The following CMSS1 variants were observed in gnomAD, a reference collection of about 807,000 sequenced individuals.
CMSS1 encodes the protein cms1 ribosomal small subunit homolog.
Under a neutral mutation model 43.5 loss-of-function variants are expected in CMSS1, and 33 were observed. The observed-to-expected ratio is 0.76, with a 90% confidence interval of 0.57 to 1.01. The LOEUF is 1.01. Ranked by LOEUF, CMSS1 falls within the 50% of genes least tolerant of loss-of-function variation. The pLI, the probability that CMSS1 is intolerant of heterozygous loss-of-function variation, is 0.00. For missense variants in CMSS1, 313 were observed against 326.4 expected, an observed-to-expected ratio of 0.96 and a Z score of 0.32; for synonymous variants, 115 against 117.2, an observed-to-expected ratio of 0.98 and a Z score of 0.12.
At chr3:100,028,804 A>G (rs2064972469) in intron 1 of CMSS1, among the ~76,000 whole-genome samples, 2 of 152,162 alleles carry the variant, frequency 1.3e-5, no homozygotes, top group African/African-American at 4.8e-5. Context: ...CTGATAAGCT[A>G]TCACACCAAC....
intron 1 of CMSS1, among the ~76,000 whole-genome samples, chr3:100,115,290 C>T (rs1338455036): frequency 7.2e-5 from 11 of 152,148 alleles, no homozygotes; most frequent in Admixed American, 6.5e-4. Context: ...ATTAGTCCTA[C>T]TCCTGGTGAT....
chr3:100,053,698 A>G (rs1279043176), intron 1 of CMSS1, among the ~76,000 whole-genome samples: 1 of 152,138 alleles, frequency 6.6e-6, no homozygotes, highest in African/African-American at 2.4e-5. Flanking sequence ...CATTTCTCTG[A>G]GCATTTAGGG....
intron 1 of CMSS1, among the ~76,000 whole-genome samples, chr3:100,105,607 C>G (rs1037769322): frequency 2.0e-5 from 3 of 152,106 alleles, no homozygotes; most frequent in African/African-American, 7.2e-5. Flanking sequence ...AAGGTATTTC[C>G]TAGAGATTAA....
intron 6 of CMSS1, among the ~76,000 whole-genome samples, chr3:100,168,922 C>T (rs2067088018): frequency 6.6e-6 from 1 of 151,664 alleles, no homozygotes; most frequent in Non-Finnish European, 1.5e-5. Flanking sequence ...TATACACACA[C>T]ACACACACGC....
At chr3:99,830,250 A>T (rs879709778) in intron 1 of CMSS1, 7 of 342,360 alleles carry the variant, frequency 2.0e-5, no homozygotes, top group Admixed American at 3.8e-5. Context: ...TATAGAAGTA[A>T]AATAATTGTA....
intron 1 of CMSS1, among the ~76,000 whole-genome samples, chr3:100,123,492 G>A (rs1279891309): frequency 1.3e-5 from 2 of 152,146 alleles, no homozygotes; most frequent in Non-Finnish European, 2.9e-5. Flanking sequence ...TAACCTGGAA[G>A]TTTACATGAT....
intron 1 of CMSS1, among the ~76,000 whole-genome samples, chr3:99,932,775 C>G (rs1707526493): frequency 6.6e-6 from 1 of 152,120 alleles, no homozygotes; most frequent in Non-Finnish European, 1.5e-5. Flanking sequence ...CCTGTAATCC[C>G]AGCTACTCAG....
intron 1 of CMSS1, among the ~76,000 whole-genome samples, chr3:100,057,789 A>G (rs2065490567): frequency 6.6e-6 from 1 of 152,186 alleles, no homozygotes; most frequent in South Asian, 2.1e-4. Context: ...TGCTACTGGA[A>G]AAATCACTCA....
chr3:100,036,448 A>G (rs2065110047), intron 1 of CMSS1, among the ~76,000 whole-genome samples: 1 of 152,226 alleles, frequency 6.6e-6, no homozygotes, highest in Admixed American at 6.5e-5. Flanking sequence ...CAACCTGAAG[A>G]GCGAAATAAT....
At chr3:99,984,811 T>A (rs1673109744) in intron 1 of CMSS1, among the ~76,000 whole-genome samples, 1 of 152,204 alleles carries the variant, frequency 6.6e-6, no homozygotes, top group Non-Finnish European at 1.5e-5. Context: ...AGGATCATAT[T>A]CAGCTAATGT....
At chr3:99,831,741 A>C (rs1942675398) in intron 1 of CMSS1, among the ~76,000 whole-genome samples, 1 of 152,188 alleles carries the variant, frequency 6.6e-6, no homozygotes, top group African/African-American at 2.4e-5. Flanking sequence ...TCTGAATCTT[A>C]CTCCTATGCA....
intron 1 of CMSS1, among the ~76,000 whole-genome samples, chr3:99,927,459 T>C (rs988364483): frequency 2.6e-5 from 4 of 151,616 alleles, no homozygotes; most frequent in African/African-American, 9.7e-5. Context: ...GATCTCCGCC[T>C]CCTGGGTTCA....
At chr3:100,115,610 TC>T (rs2066558047) in intron 1 of CMSS1, among the ~76,000 whole-genome samples, 3 of 146,596 alleles carry the variant, frequency 2.0e-5, no homozygotes, top group Non-Finnish European at 4.5e-5. Flanking sequence ...TCTCTCTCTC[TC>T]TCTCTCTCTC....
chr3:100,033,753 C>T lies in CMSS1; in HGVS notation c.65-113220C>T, dbSNP rs916785721. Among the ~76,000 whole-genome samples, 4 of 152,190 alleles carry T rather than the reference C, an allele frequency of 2.6e-5. 1 individual carries two copies. The East Asian group carries it at 7.7e-4, about 29-fold the overall frequency. On this transcript the variant is annotated intron_variant, in intron 1 of 9. Coordinates refer to ENST00000421999, the MANE Select transcript of CMSS1 (RefSeq NM_032359.4). ...GATATATTGAAAATATGTGGTGACT[C>T]AGCCCTGTTCTTGCTCCTCTAAATT...
At chr3:100,163,138 G>C (rs2067039373) in intron 4 of CMSS1, among the ~76,000 whole-genome samples, 1 of 152,218 alleles carries the variant, frequency 6.6e-6, no homozygotes, top group Middle Eastern at 3.4e-3. Flanking sequence ...TTATTCAAAA[G>C]GTTAATTGTT....
intron 6 of CMSS1, among the ~76,000 whole-genome samples, chr3:100,168,525 C>T (rs1054372063): frequency 9.9e-5 from 15 of 152,218 alleles, no homozygotes; most frequent in Admixed American, 3.3e-4. Flanking sequence ...AAGACCCCAT[C>T]TCCATTATAA....
At chr3:99,982,293 G>A (rs1709148362) in intron 1 of CMSS1, among the ~76,000 whole-genome samples, 3 of 150,700 alleles carry the variant, frequency 2.0e-5, no homozygotes, top group South Asian at 4.2e-4. Context: ...ATCTGGGGCT[G>A]TGTATTTATG....
At chr3:99,860,682 G>A (rs1331096349) in intron 1 of CMSS1, among the ~76,000 whole-genome samples, 2 of 152,286 alleles carry the variant, frequency 1.3e-5, no homozygotes, top group African/African-American at 2.4e-5. Flanking sequence ...AAAGGGCCAG[G>A]TGGAGACTTG....
intron 1 of CMSS1, among the ~76,000 whole-genome samples, chr3:100,071,124 A>G (rs1017820798): frequency 1.8e-4 from 16 of 90,002 alleles, no homozygotes; most frequent in African/African-American, 5.7e-4. Flanking sequence ...ATGGATTAGC[A>G]TTTCCAAACT....
Sources: allele counts gnomAD v4.1 joint callset (sites outside exome capture counted in the v4.1 genomes callset), GRCh38; gene constraint gnomAD v4.1.1; transcripts MANE v1.5; gene names NCBI Gene and HGNC (gene_info 2026-07-23, HGNC 2026-07-21).